Variants in TRHDE observed in about 807,000 individuals in gnomAD.
The protein encoded by TRHDE is thyrotropin releasing hormone degrading enzyme.
A neutral mutation model predicts 125.7 loss-of-function variants in TRHDE; 72 were observed. The observed-to-expected ratio is 0.57, with a 90% CI of 0.47 to 0.70. The LOEUF is 0.70. Ranked by LOEUF, TRHDE falls within the 30% of genes least tolerant of loss-of-function variation. The pLI is 0.00. For missense variants in TRHDE, 1,110 were observed against 1,327.1 expected (o/e 0.84, Z 2.54); for synonymous variants, 509 against 509.1 (o/e 1.00, Z 0.00).
rs777755551 is a variant in TRHDE at position 72,653,046 on chromosome 12, G to A, written c.2874G>A (p.Val958=). ...TAAATCTGTCACTGAATTCTGAGGT[G>A]GTGCTGGATCAAGATGCAATTGATG... The part of the protein sequence containing the change: ...RLLNLSLNSE[V]VLDQDAIDVI... Residue 958 remains valine (V), a synonymous_variant, in exon 17 of 19, where the codon GTG becomes GTA. Coordinates refer to ENST00000261180, the MANE Select transcript of TRHDE (RefSeq NM_013381.3). 2 of 1,606,238 alleles carry A rather than the reference G, an allele frequency of 1.2e-6. No homozygotes were observed. Among genetic ancestry groups the A allele is most frequent in the South Asian group, 2.2e-5 (2 of 90,264 alleles).
rs372412200 is a variant in TRHDE at position 72,619,820 on chromosome 12, T to C, written c.2469+782T>C. Reference sequence around the variant, plus strand: ...TGTTTTATAAAATTATCTTATTTTTTATACTGTACTAATTAACATACACAT... The same window carrying C: ...TGTTTTATAAAATTATCTTATTTTTCATACTGTACTAATTAACATACACAT... On this transcript the variant is annotated intron_variant, in intron 13 of 18. Transcript: ENST00000261180. Among the ~76,000 whole-genome samples the C allele has an allele frequency of 1.4e-4, 21 of 152,280 alleles. No individual in the cohort carries two copies. The East Asian group carries it at 2.1e-3, about 15-fold the overall frequency.
intron 2 of TRHDE, among the ~76,000 whole-genome samples, chr12:72,368,248 T>C (rs1871421446): frequency 6.6e-6 from 1 of 152,168 alleles, no homozygotes; most frequent in Non-Finnish European, 1.5e-5. Context: ...TAGTTTATGA[T>C]GATAAACTTA....
chr12:72,220,432 T>A (rs1877979401), intron 2 of TRHDE, among the ~76,000 whole-genome samples: 1 of 152,160 alleles, frequency 6.6e-6, no homozygotes, highest in South Asian at 2.1e-4. Flanking sequence ...TCTCATTTCA[T>A]GTAAATTACT....
intron 5 of TRHDE, among the ~76,000 whole-genome samples, chr12:72,485,721 T>C (rs1274836278): frequency 6.6e-6 from 1 of 152,176 alleles, no homozygotes; most frequent in Non-Finnish European, 1.5e-5. Context: ...TGTTGACCCA[T>C]GTAGCCACAT....
chr12:72,424,919 C>G (rs1406152703), intron 3 of TRHDE, among the ~76,000 whole-genome samples: 3 of 151,854 alleles, frequency 2.0e-5, no homozygotes, highest in Admixed American at 6.6e-5. Context: ...TTGAGAGTAG[C>G]TACTTTGAAA....
chr12:72,641,042 T>C (rs992503384), intron 15 of TRHDE, among the ~76,000 whole-genome samples: 7 of 152,324 alleles, frequency 4.6e-5, no homozygotes, highest in East Asian at 1.9e-4. Context: ...TTAGGACTCA[T>C]GTGTTTATCC....
At chr12:72,334,603 C>T (rs4402340) in intron 2 of TRHDE, among the ~76,000 whole-genome samples, 3 of 152,004 alleles carry the variant, frequency 2.0e-5, no homozygotes, top group Non-Finnish European at 2.9e-5. Context: ...AAACTTGTTT[C>T]GCCTGGCAAA....
chr12:72,469,955 T>C (rs1394785929), intron 4 of TRHDE, 43 bp downstream of exon 4: 1 of 1,586,438 alleles, frequency 6.3e-7, no homozygotes, highest in South Asian at 1.1e-5. Flanking sequence ...GTGAAAGCTA[T>C]TGAAAATGAT....
chr12:72,449,428 T>A (rs1362069924), intron 3 of TRHDE, among the ~76,000 whole-genome samples: 1 of 152,022 alleles, frequency 6.6e-6, no homozygotes, highest in African/African-American at 2.4e-5. Flanking sequence ...GATCTGATTT[T>A]TGAATTTTTT....
chr12:72,243,031 TTCTGAAGGCTGTTATA>T (rs1198573022), intron 2 of TRHDE, among the ~76,000 whole-genome samples: 1 of 152,196 alleles, frequency 6.6e-6, no homozygotes, highest in African/African-American at 2.4e-5. Flanking sequence ...TTTCTTCTAC[TTCTGAAGGCTGTTATA>T]TCAAGATGTG....
chr12:72,629,308 T>G (rs1222684834), intron 15 of TRHDE, among the ~76,000 whole-genome samples: 1 of 151,842 alleles, frequency 6.6e-6, no homozygotes, highest in Non-Finnish European at 1.5e-5. Context: ...AGTATCTTAA[T>G]TTTTACATAA....
At chr12:72,421,734 T>G (rs1463151869) in intron 3 of TRHDE, among the ~76,000 whole-genome samples, 2 of 152,286 alleles carry the variant, frequency 1.3e-5, no homozygotes, top group Non-Finnish European at 2.9e-5. Flanking sequence ...ATTATTATTA[T>G]TTTGGACAAT....
chr12:72,292,032 C>T (rs1361563237), intron 2 of TRHDE, among the ~76,000 whole-genome samples: 1 of 152,184 alleles, frequency 6.6e-6, no homozygotes, highest in Non-Finnish European at 1.5e-5. Flanking sequence ...CAAGTTATAT[C>T]CACTCCATTA....
intron 3 of TRHDE, among the ~76,000 whole-genome samples, chr12:72,440,911 T>C (rs1874979405): frequency 6.6e-6 from 1 of 151,918 alleles, no homozygotes; most frequent in African/African-American, 2.4e-5. Context: ...GATAGAGATA[T>C]GCACATTCAA....
intron 12 of TRHDE, among the ~76,000 whole-genome samples, chr12:72,593,785 G>A (rs1871800004): frequency 1.3e-5 from 2 of 151,988 alleles, no homozygotes; most frequent in African/African-American, 2.4e-5. Context: ...CTGTCCTTGC[G>A]ACAGTTTGCT....
At chr12:72,348,276 A>T (rs1870423117) in intron 2 of TRHDE, among the ~76,000 whole-genome samples, 1 of 151,274 alleles carries the variant, frequency 6.6e-6, no homozygotes, top group Non-Finnish European at 1.5e-5. Context: ...CTTGGATGTT[A>T]TTTCTTTAAT....
intron 3 of TRHDE, among the ~76,000 whole-genome samples, chr12:72,454,417 T>C (rs1875737872): frequency 6.6e-6 from 1 of 152,164 alleles, no homozygotes; most frequent in South Asian, 2.1e-4. Context: ...CATGTGTCCT[T>C]TTCCCTTGAA....
intron 3 of TRHDE, among the ~76,000 whole-genome samples, chr12:72,434,931 A>G (rs1801531412): frequency 6.6e-6 from 1 of 152,196 alleles, no homozygotes. Context: ...TCTTTGAACT[A>G]CAGAACAGGG....
At chr12:72,205,076 G>A (rs1187690692) in intron 2 of TRHDE, among the ~76,000 whole-genome samples, 4 of 152,202 alleles carry the variant, frequency 2.6e-5, no homozygotes, top group Non-Finnish European at 1.5e-5. Flanking sequence ...GTCCTTTCAA[G>A]GAACTTGTTT....
Sources: gnomAD v4.1 joint callset for allele counts (sites outside exome capture counted in the v4.1 genomes callset) on GRCh38, gnomAD v4.1.1 for gene constraint, MANE v1.5 for transcripts, NCBI Gene and HGNC (gene_info 2026-07-23, HGNC 2026-07-21) for gene names.